SLC39A11: variants seen among roughly 807,000 people sequenced by gnomAD.
The protein encoded by SLC39A11 is zinc transporter ZIP11.
Under a neutral mutation model 36.1 loss-of-function variants are expected in SLC39A11, and 33 were observed. The ratio of observed to expected loss-of-function variants is 0.91; its 90% CI spans 0.69 to 1.22. SLC39A11 has a LOEUF of 1.22. Among genes scored for constraint, SLC39A11 ranks in the 50% most tolerant of loss-of-function variants. The probability of loss-of-function intolerance (pLI) is 0.00; values close to 1 mark genes in which losing one functional copy is unlikely to be tolerated. For missense variants in SLC39A11, 432 were observed against 430.3 expected (o/e 1.00, Z -0.03); for synonymous variants, 166 against 170.3 (o/e 0.97, Z 0.20).
At chr17:72,933,383 C>T (rs979171622) in intron 5 of SLC39A11, among the ~76,000 whole-genome samples, 2 of 152,046 alleles carry the variant, frequency 1.3e-5, no homozygotes, top group Non-Finnish European at 2.9e-5. Context: ...ATGATGAAGA[C>T]CACAAAACAC....
At chr17:72,950,138 C>G (rs951678928) in intron 4 of SLC39A11, among the ~76,000 whole-genome samples, 2 of 152,164 alleles carry the variant, frequency 1.3e-5, no homozygotes, top group Non-Finnish European at 2.9e-5. Flanking sequence ...TCTCATTTGT[C>G]TAGACATCGC....
chr17:72,710,483 C>T (rs376125836), intron 7 of SLC39A11, among the ~76,000 whole-genome samples: 1 of 152,206 alleles, frequency 6.6e-6, no homozygotes, highest in Non-Finnish European at 1.5e-5. Flanking sequence ...GAAGGGAACA[C>T]CCAAGTCTTT....
chr17:72,954,445 CAA>C lies in SLC39A11; in HGVS notation c.307-6572_307-6571del, dbSNP rs1458098509. Among the ~76,000 whole-genome samples, 3 of 152,338 alleles carry C rather than the reference CAA, an allele frequency of 2.0e-5. No individual in the cohort carries two copies. In the East Asian group the frequency reaches 5.8e-4, roughly 29 times the overall value. On this transcript the variant is annotated intron_variant, in intron 4 of 9. Coordinates refer to ENST00000255559, the MANE Select transcript of SLC39A11 (RefSeq NM_139177.4). ...CCAGTGGAAAAGGGTACAGGGATCT[CAA>C]GAGGAGCCACCCAAGGGGCTTGGGA...
At chr17:72,822,959 C>T (rs1368631941) in intron 6 of SLC39A11, among the ~76,000 whole-genome samples, 1 of 148,768 alleles carries the variant, frequency 6.7e-6, no homozygotes, top group Non-Finnish European at 1.5e-5. Context: ...TGGTCTCAAA[C>T]TCCTGAGCTC....
At chr17:73,031,785 C>T in intron 3 of SLC39A11, 71 bp from the exon 4 acceptor site, 1 of 1,504,980 alleles carries the variant, frequency 6.6e-7, no homozygotes, top group South Asian at 1.2e-5. Flanking sequence ...ACCTCAGTTG[C>T]TCTCTGTGGC....
chr17:72,849,567 G>A (rs2079202427), intron 6 of SLC39A11, 67 bp downstream of exon 6: 8 of 1,375,844 alleles, frequency 5.8e-6, no homozygotes, highest in Non-Finnish European at 7.6e-6. Context: ...TTTCCAGCCA[G>A]ACAACTGTGC....
intron 4 of SLC39A11, among the ~76,000 whole-genome samples, chr17:73,006,777 G>A (rs1178972964): frequency 1.3e-5 from 2 of 152,090 alleles, no homozygotes; most frequent in East Asian, 1.9e-4. Context: ...CAGACAGTAC[G>A]TGATTGAGTC....
At chr17:72,976,345 A>G (rs1489698642) in intron 4 of SLC39A11, among the ~76,000 whole-genome samples, 1 of 152,126 alleles carries the variant, frequency 6.6e-6, no homozygotes, top group Non-Finnish European at 1.5e-5. Context: ...TTAAGATCAC[A>G]CCTCTTTAAT....
chr17:72,794,418 G>A (rs1276868264), intron 6 of SLC39A11, among the ~76,000 whole-genome samples: 3 of 152,146 alleles, frequency 2.0e-5, no homozygotes, highest in African/African-American at 2.4e-5. Context: ...TTTTCTAATT[G>A]AGTGAGAAAA....
chr17:73,004,193 AAG>A (rs2090015579), intron 4 of SLC39A11, among the ~76,000 whole-genome samples: 1 of 105,584 alleles, frequency 9.5e-6, no homozygotes, highest in East Asian at 3.8e-4. Context: ...GAAAGAAAGA[AAG>A]AAAGAAAGAA....
chr17:73,011,089 C>CAGGCACAT (rs1241140666), intron 4 of SLC39A11, among the ~76,000 whole-genome samples: 1 of 152,068 alleles, frequency 6.6e-6, no homozygotes, highest in Non-Finnish European at 1.5e-5. Flanking sequence ...CACAGGCACA[C>CAGGCACAT]AGGTGATGAC....
intron 2 of SLC39A11, among the ~76,000 whole-genome samples, chr17:73,085,852 C>G (rs1045841128): frequency 3.3e-5 from 5 of 152,074 alleles, no homozygotes; most frequent in African/African-American, 1.2e-4. Flanking sequence ...TACCCAAACT[C>G]TCACCAACAG....
intron 3 of SLC39A11, among the ~76,000 whole-genome samples, chr17:73,072,735 T>C (rs927004656): frequency 1.3e-5 from 2 of 152,130 alleles, no homozygotes; most frequent in African/African-American, 4.8e-5. Flanking sequence ...CCACTAGTGT[T>C]TGGGGGCTGG....
chr17:72,714,124 G>A (rs1000001775), intron 7 of SLC39A11, among the ~76,000 whole-genome samples: 1 of 152,198 alleles, frequency 6.6e-6, no homozygotes, highest in African/African-American at 2.4e-5. Context: ...GGGAGGCCGA[G>A]GCGGGTGGAT....
intron 6 of SLC39A11, among the ~76,000 whole-genome samples, chr17:72,810,504 A>G (rs1897306): frequency 0.071 from 10,776 of 152,270 alleles, 435 homozygotes; most frequent in Non-Finnish European, 0.084. Flanking sequence ...AATGTGCAGT[A>G]TGATTCCATT....
At chr17:72,712,423 C>G (rs1474081334) in intron 7 of SLC39A11, among the ~76,000 whole-genome samples, 1 of 152,170 alleles carries the variant, frequency 6.6e-6, no homozygotes, top group Non-Finnish European at 1.5e-5. Flanking sequence ...AAAGGTCAAC[C>G]CTCCCTTTAT....
chr17:72,826,197 G>A (rs891705042), intron 6 of SLC39A11, among the ~76,000 whole-genome samples: 6 of 152,146 alleles, frequency 3.9e-5, no homozygotes, highest in Non-Finnish European at 8.8e-5. Flanking sequence ...TAGTGAATAT[G>A]TTCTCATGAG....
chr17:72,800,280 C>A (rs1182662497), intron 6 of SLC39A11, among the ~76,000 whole-genome samples: 1 of 149,850 alleles, frequency 6.7e-6, no homozygotes, highest in Non-Finnish European at 1.5e-5. Context: ...AAATGCTCCA[C>A]AAGGACCAGG....
chr17:72,726,736 A>G (rs1168231798), intron 7 of SLC39A11, among the ~76,000 whole-genome samples: 1 of 152,236 alleles, frequency 6.6e-6, no homozygotes, highest in Non-Finnish European at 1.5e-5. Flanking sequence ...TTGTTAATAT[A>G]TCAACATATA....
Sources: gnomAD v4.1 joint callset for allele counts (sites outside exome capture counted in the v4.1 genomes callset) on GRCh38, gnomAD v4.1.1 for gene constraint, MANE v1.5 for transcripts, NCBI Gene and HGNC (gene_info 2026-07-23, HGNC 2026-07-21) for gene names.